Variants in SEPTIN9 observed in about 807,000 individuals in gnomAD.
SEPTIN9 encodes septin 9.
Under a neutral mutation model 56.6 loss-of-function variants are expected in SEPTIN9, and 13 were observed. The ratio of observed to expected loss-of-function variants is 0.23; its 90% CI spans 0.15 to 0.37. The LOEUF is 0.37. Among genes scored for constraint, SEPTIN9 ranks in the 10% least tolerant of loss-of-function variants. The pLI is 1.00. For missense variants in SEPTIN9, 650 were observed against 823.1 expected, an observed-to-expected ratio of 0.79 and a Z score of 2.57; for synonymous variants, 332 against 334.1, an observed-to-expected ratio of 0.99 and a Z score of 0.07.
At chr17:77,494,880 G>A (rs913336178) in intron 10 of SEPTIN9, among the ~76,000 whole-genome samples, 61 of 152,288 alleles carry the variant, frequency 4.0e-4, no homozygotes, top group Admixed American at 3.6e-3. Flanking sequence ...CACCCCTGCC[G>A]GGCCCACCCT....
At chr17:77,287,066 G>A (rs2031313032) in intron 1 of SEPTIN9, among the ~76,000 whole-genome samples, 1 of 152,238 alleles carries the variant, frequency 6.6e-6, no homozygotes, top group Non-Finnish European at 1.5e-5. Flanking sequence ...TGGCCCCATG[G>A]CTCACTTTGC....
In SEPTIN9 at chr17:77,371,207, G is replaced by A. The variant is rs1380908325; in HGVS notation, c.77-30852G>A. On this transcript the variant is annotated intron_variant, in intron 2 of 11. Coordinates refer to ENST00000427177, the MANE Select transcript of SEPTIN9 (RefSeq NM_001113491.2). The surrounding 1 kb of genome is among the most constrained non-coding windows in gnomAD (Gnocchi z 4.1). ...GAGTGATTACATTGAAGGGGCAGTGGCTGGGGCTGGAGCCGGTGGGCTCTG... is the reference window on the plus strand; with the variant it reads ...GAGTGATTACATTGAAGGGGCAGTGACTGGGGCTGGAGCCGGTGGGCTCTG... 6.6e-6 allele frequency among the ~76,000 whole-genome samples: 1 copy of A among 152,200 alleles called. No individual in the cohort carries two copies. The highest frequency in any genetic ancestry group is 1.5e-5 in the Non-Finnish European group (1 of 68,040).
At chr17:77,340,727 C>T (rs2033699089) in intron 2 of SEPTIN9, among the ~76,000 whole-genome samples, 1 of 152,234 alleles carries the variant, frequency 6.6e-6, no homozygotes, top group African/African-American at 2.4e-5. Context: ...GAAGGTGGGA[C>T]ATCTATGCTG....
intron 3 of SEPTIN9, among the ~76,000 whole-genome samples, chr17:77,479,701 C>T (rs973461989): frequency 5.4e-5 from 8 of 148,808 alleles, no homozygotes; most frequent in Admixed American, 4.0e-4. Flanking sequence ...GCTCCAGGGG[C>T]GTTGGGGGCG....
At chr17:77,380,053 G>A in intron 2 of SEPTIN9, 1 of 157,928 alleles carries the variant, frequency 6.3e-6, no homozygotes. Flanking sequence ...TTGGCCCCTA[G>A]ACACCCCCAG....
chr17:77,402,803 G>GCACCCTCCACCCCAT lies in SEPTIN9; in HGVS notation c.721+100_721+101insCACCCTCCACCCCAT. On this transcript the variant is annotated intron_variant, in intron 3 of 11. Coordinates refer to ENST00000427177, the MANE Select transcript of SEPTIN9 (RefSeq NM_001113491.2). The surrounding 1 kb of genome is among the most constrained non-coding windows in gnomAD (Gnocchi z 6.6). ...GGAGGAAGAAGCTGGATATGGGGTG[G>GCACCCTCCACCCCAT]AGGGTGCTACCCTGGAGACCCAGAA... 1 of 1,288,226 alleles carries GCACCCTCCACCCCAT rather than the reference G, an allele frequency of 7.8e-7. No homozygotes were observed. Among genetic ancestry groups the GCACCCTCCACCCCAT allele is most frequent in the Non-Finnish European group, 1.1e-6 (1 of 948,662 alleles). 79.8% of individuals were successfully genotyped at this position (1,288,226 alleles called of 1,614,324 possible).
Position 77,402,748 on chromosome 17 carries a change from G to T in SEPTIN9, c.721+45G>T. 6.6e-7 allele frequency: 1 copy of T among 1,510,442 alleles called. No individual in the cohort carries two copies. The highest frequency in any genetic ancestry group is 8.8e-7 in the Non-Finnish European group (1 of 1,130,592). 93.6% of individuals were successfully genotyped at this position (1,510,442 alleles called of 1,614,324 possible). A position where few individuals can be genotyped will look rare whatever the true frequency, so the allele number is the denominator to read the frequency against. The stretch of plus-strand genomic sequence containing the variant: ...GTCTTGGATGCTGTGGTAATGGGGG[G>T]CCTGGTTGCTGGCTTTGCCACAGAA... On this transcript the variant is annotated intron_variant, in intron 3 of 11. Coordinates refer to ENST00000427177, the MANE Select transcript of SEPTIN9 (RefSeq NM_001113491.2). The surrounding 1 kb of genome is among the most constrained non-coding windows in gnomAD (Gnocchi z 6.6).
Position 77,421,161 on chromosome 17 carries a change from G to A in SEPTIN9, c.721+18458G>A, listed in dbSNP as rs2036687443. ...GCCTGAGACTTTGGCTGGATGCCAG[G>A]AGCCCGAGACCTTCCAGCTCTTTCC... On this transcript the variant is annotated intron_variant, in intron 3 of 11. Transcript: ENST00000427177. This position sits in a 1 kb window ranked among gnomAD's most constrained non-coding sequence, Gnocchi z 4.6. Among the ~76,000 whole-genome samples the A allele has an allele frequency of 6.6e-6, 1 of 152,170 alleles. No individual in the cohort carries two copies. Among genetic ancestry groups the A allele is most frequent in the Non-Finnish European group, 1.5e-5 (1 of 68,034 alleles).
chr17:77,428,859 G>A (rs1387354899), intron 3 of SEPTIN9: 1 of 397,566 alleles, frequency 2.5e-6, no homozygotes, highest in East Asian at 7.3e-5. Flanking sequence ...TTCAGAAGCT[G>A]ATAAGCAGGT....
chr17:77,356,237 G>A lies in SEPTIN9; in HGVS notation c.77-45822G>A, dbSNP rs114326226. On this transcript the variant is annotated intron_variant, in intron 2 of 11. Coordinates refer to ENST00000427177, the MANE Select transcript of SEPTIN9 (RefSeq NM_001113491.2). ...CTGCCTGGTGCCCAGCCCGCACCGC[G>A]AGGCTTCCTAAGCAGCTCTGGGCAC... Among the ~76,000 whole-genome samples the A allele has an allele frequency of 7.4e-3, 1,126 of 152,220 alleles. 16 individuals are homozygous for A. Among genetic ancestry groups the A allele is most frequent in the African/African-American group, 0.026 (1,065 of 41,528 alleles).
intron 1 of SEPTIN9, among the ~76,000 whole-genome samples, chr17:77,293,098 C>T (rs1367885664): frequency 1.3e-5 from 2 of 152,060 alleles, no homozygotes; most frequent in African/African-American, 4.8e-5. Context: ...CTCATGGCAG[C>T]CTTGAACTCC....
intron 3 of SEPTIN9, among the ~76,000 whole-genome samples, chr17:77,416,345 A>G (rs1338870162): frequency 2.0e-5 from 3 of 152,220 alleles, no homozygotes; most frequent in Non-Finnish European, 2.9e-5. Context: ...GGGCCAGATC[A>G]GAGCAGCACT....
intron 2 of SEPTIN9, among the ~76,000 whole-genome samples, chr17:77,365,588 C>T (rs2034548258): frequency 1.3e-5 from 2 of 152,124 alleles, no homozygotes; most frequent in Admixed American, 6.6e-5. Context: ...GGAAGGATCT[C>T]CCTGGGATTG....
In SEPTIN9 at chr17:77,487,125, A is replaced by C. The variant is rs543505297; in HGVS notation, c.914-299A>C. ...CCACCAGGAGACCTCCTGTCCAGAA[A>C]GCACAAGGGGCACAAGAGATGCCGA... On this transcript the variant is annotated intron_variant, in intron 4 of 11. Transcript: ENST00000427177. The surrounding 1 kb of genome is among the most constrained non-coding windows in gnomAD (Gnocchi z 4.3). 6.6e-6 allele frequency among the ~76,000 whole-genome samples: 1 copy of C among 152,282 alleles called. No individual in the cohort carries two copies. The highest frequency in any genetic ancestry group is 1.9e-4 in the East Asian group (1 of 5,174).
intron 2 of SEPTIN9, among the ~76,000 whole-genome samples, chr17:77,314,243 C>G (rs1393284848): frequency 6.7e-6 from 1 of 149,434 alleles, no homozygotes; most frequent in African/African-American, 2.5e-5. Context: ...GTGGCATGAT[C>G]TTGGCTCACT....
At chr17:77,415,244 G>T (rs2036458713) in intron 3 of SEPTIN9, among the ~76,000 whole-genome samples, 1 of 152,214 alleles carries the variant, frequency 6.6e-6, no homozygotes, top group Non-Finnish European at 1.5e-5. Flanking sequence ...GGCGCAGCAG[G>T]CAGAGGTGCA....
chr17:77,344,923 G>T (rs2033840759), intron 2 of SEPTIN9, among the ~76,000 whole-genome samples: 1 of 131,214 alleles, frequency 7.6e-6, no homozygotes, highest in Non-Finnish European at 1.5e-5. Flanking sequence ...AGTGAGCCGA[G>T]ACCATGCCAC....
chr17:77,402,626 C>T lies in SEPTIN9; in HGVS notation c.644C>T (p.Pro215Leu), dbSNP rs1236432125. Residue 215 changes from proline to leucine, a missense_variant, in exon 3 of 12, where the codon CCT becomes CTT. By Grantham distance (98) the Pro-to-Leu change is moderately conservative. This residue lies in a region of SEPTIN9 where 317 missense variants were observed against 329.1 expected (regional missense o/e 0.96). Transcript: ENST00000427177. The surrounding 1 kb of genome is among the most constrained non-coding windows in gnomAD (Gnocchi z 6.6). The part of the protein sequence containing the change: ...AQTLENSEPA[P>L]VSQLQSRLEP... ...ACCTTGGAGAATTCAGAGCCTGCCC[C>T]TGTGTCTCAGCTGCAGAGCAGGCTG... is the stretch of plus-strand genomic sequence containing the variant. 4 of 1,613,146 alleles carry T rather than the reference C, an allele frequency of 2.5e-6. No individual in the cohort carries two copies. The highest frequency in any genetic ancestry group is 1.3e-5 in the African/African-American group (1 of 74,930).
Position 77,450,688 on chromosome 17 carries a change from G to C in SEPTIN9, c.722-31456G>C, listed in dbSNP as rs913686887. On this transcript the variant is annotated intron_variant, in intron 3 of 11. Coordinates refer to ENST00000427177, the MANE Select transcript of SEPTIN9 (RefSeq NM_001113491.2). This position sits in a 1 kb window ranked among gnomAD's most constrained non-coding sequence, Gnocchi z 6.0. ...GCCTGCAGGGAGGGGGAGAGGAAGAGACTGACTCACTGGCCAGGTCCCCCA... is the reference window on the plus strand; with the variant it reads ...GCCTGCAGGGAGGGGGAGAGGAAGACACTGACTCACTGGCCAGGTCCCCCA... 24 of 986,168 alleles carry C rather than the reference G, an allele frequency of 2.4e-5. 1 individual carries two copies. Among genetic ancestry groups the C allele is most frequent in the Middle Eastern group, 5.1e-4 (1 of 1,944 alleles). 61.1% of individuals were successfully genotyped at this position (986,168 alleles called of 1,614,324 possible).
Sources: gnomAD v4.1 joint callset for allele counts (sites outside exome capture counted in the v4.1 genomes callset) on GRCh38, gnomAD v4.1.1 for gene constraint, gnomAD v4.1.1 regional missense constraint, Gnocchi (gnomAD v3.1) non-coding constraint, MANE v1.5 for transcripts, NCBI Gene and HGNC (gene_info 2026-07-23, HGNC 2026-07-21) for gene names.